Variants in AOPEP observed in about 807,000 individuals in gnomAD.
AOPEP encodes the protein aminopeptidase O (putative).
AOPEP carries 77 observed loss-of-function variants against 98.1 expected under a neutral mutation model. The observed-to-expected ratio is 0.78, with a 90% CI of 0.65 to 0.95. AOPEP has a LOEUF of 0.95. Ranked by LOEUF, AOPEP falls within the 40% of genes least tolerant of loss-of-function variation. AOPEP has a pLI of 0.00. For missense variants in AOPEP, 1,024 were observed against 1,024.7 expected, an observed-to-expected ratio of 1.00 and a Z score of 0.01; for synonymous variants, 346 against 365.3, an observed-to-expected ratio of 0.95 and a Z score of 0.60.
In AOPEP at chr9:94,972,891, A is replaced by G. The variant is rs531551827; in HGVS notation, c.1916+5090A>G. Among the ~76,000 whole-genome samples, 4 of 152,140 alleles carry G rather than the reference A, an allele frequency of 2.6e-5. No homozygotes were observed. In the South Asian group the frequency reaches 8.3e-4, roughly 32 times the overall value. On this transcript the variant is annotated intron_variant, in intron 10 of 16. Coordinates refer to ENST00000375315, the MANE Select transcript of AOPEP (RefSeq NM_001193329.3). The surrounding 1 kb of genome is among the most constrained non-coding windows in gnomAD (Gnocchi z 4.2). ...GCGTTTGAGGCTGCAATGAGCTGAGATTGCACCACTGCACGCCAGCCTGGG... is the reference window on the plus strand; with the variant it reads ...GCGTTTGAGGCTGCAATGAGCTGAGGTTGCACCACTGCACGCCAGCCTGGG...
intron 5 of AOPEP, among the ~76,000 whole-genome samples, chr9:94,884,500 A>G (rs902151073): frequency 6.6e-6 from 1 of 152,188 alleles, no homozygotes; most frequent in Non-Finnish European, 1.5e-5. Flanking sequence ...AAGACTTGGG[A>G]TATAAAGAGG....
intron 4 of AOPEP, among the ~76,000 whole-genome samples, chr9:94,795,742 C>G (rs1846789193): frequency 6.6e-6 from 1 of 152,126 alleles, no homozygotes; most frequent in Admixed American, 6.5e-5. Context: ...ATCCACTATT[C>G]TGAAAGGAGG....
intron 13 of AOPEP, among the ~76,000 whole-genome samples, chr9:95,038,528 T>C (rs1295417359): frequency 6.6e-6 from 1 of 152,214 alleles, no homozygotes; most frequent in Middle Eastern, 3.2e-3. Context: ...GTAGAGATGT[T>C]GGTGGTTAGA....
chr9:95,128,548 A>G, the AOPEP span, among the ~76,000 whole-genome samples: 1 of 152,258 alleles, frequency 6.6e-6, no homozygotes, highest in Non-Finnish European at 1.5e-5. Flanking sequence ...AAAGAAAATG[A>G]TGATCAGATG....
chr9:95,124,000 G>A, the AOPEP span: 1 of 334,442 alleles, frequency 3.0e-6, no homozygotes, highest in Admixed American at 4.2e-5. Context: ...CTACACGCAG[G>A]GGCTGAAGTG....
Position 95,065,925 on chromosome 9 carries a change from C to T in AOPEP, c.2232+5115C>T, listed in dbSNP as rs377442927. ...ACATGGCCTGTGAATAGTGTGACTTCAGGTTTTTAGAAAGCTGAGACCATG... is the reference window on the plus strand; with the variant it reads ...ACATGGCCTGTGAATAGTGTGACTTTAGGTTTTTAGAAAGCTGAGACCATG... On this transcript the variant is annotated intron_variant, in intron 14 of 16. Transcript: ENST00000375315. Among the ~76,000 whole-genome samples, 4 of 152,318 alleles carry T rather than the reference C, an allele frequency of 2.6e-5. No individual in the cohort carries two copies. In the East Asian group the frequency reaches 5.8e-4, roughly 22 times the overall value.
At chr9:94,776,932 A>G (rs1468881399) in intron 3 of AOPEP, among the ~76,000 whole-genome samples, 1 of 135,752 alleles carries the variant, frequency 7.4e-6, no homozygotes, top group African/African-American at 2.8e-5. Flanking sequence ...TTTTTTTTTT[A>G]GAAGACTGGA....
At chr9:94,759,541 G>A (rs1344625172) in intron 1 of AOPEP, 108 bp from the exon 2 acceptor site, 2 of 471,884 alleles carry the variant, frequency 4.2e-6, no homozygotes, top group South Asian at 3.4e-5. Context: ...AGCATCTACC[G>A]CTTGGGGGAT....
At chr9:95,040,621 C>T (rs1451525697) in intron 13 of AOPEP, among the ~76,000 whole-genome samples, 1 of 152,226 alleles carries the variant, frequency 6.6e-6, no homozygotes, top group Non-Finnish European at 1.5e-5. Context: ...TCCCTCCCCT[C>T]CTCTATGTCT....
intron 14 of AOPEP, among the ~76,000 whole-genome samples, chr9:95,072,883 C>T (rs2068651840): frequency 6.6e-6 from 1 of 152,218 alleles, no homozygotes; most frequent in Admixed American, 6.5e-5. Context: ...GTCAGAAGAG[C>T]AGGCTTCCCC....
At chr9:95,080,551 A>G in intron 14 of AOPEP, 143 bp from the exon 15 acceptor site, 1 of 623,524 alleles carries the variant, frequency 1.6e-6, no homozygotes, top group Non-Finnish European at 2.8e-6. Context: ...ATACTAAAAG[A>G]AAATGTAAAA....
chr9:95,089,092 C>T (rs72752314), downstream of AOPEP, among the ~76,000 whole-genome samples: 25 of 152,328 alleles, frequency 1.6e-4, no homozygotes, highest in African/African-American at 3.8e-4. Flanking sequence ...ATCCTTCACC[C>T]GTGCCTCAGC....
rs1014288671 is a variant in AOPEP at position 95,077,039 on chromosome 9, C to T, written c.2233-3655C>T. 3.7e-4 allele frequency among the ~76,000 whole-genome samples: 57 copies of T among 152,168 alleles called. 1 individual carries two copies. Among genetic ancestry groups the T allele is most frequent in the Admixed American group, 3.4e-3 (52 of 15,282 alleles). On this transcript the variant is annotated intron_variant, in intron 14 of 16. Transcript: ENST00000375315. ...TCTGATCAGGTTCTTCTCCTGCCAC[C>T]TTCCAGGCCTGGGGAGGAGAGGGGG...
chr9:94,940,235 A>G (rs900380978), intron 7 of AOPEP, among the ~76,000 whole-genome samples: 4 of 152,364 alleles, frequency 2.6e-5, no homozygotes, highest in Non-Finnish European at 5.9e-5. Flanking sequence ...AATAAATACA[A>G]TGAATACATG....
intron 10 of AOPEP, among the ~76,000 whole-genome samples, chr9:94,971,892 G>A (rs897053141): frequency 2.6e-5 from 4 of 152,152 alleles, no homozygotes; most frequent in African/African-American, 7.2e-5. Context: ...ACACAGAGAG[G>A]GTCCATCAGT....
chr9:94,996,023 G>A (rs2061200524), intron 11 of AOPEP, among the ~76,000 whole-genome samples: 1 of 152,194 alleles, frequency 6.6e-6, no homozygotes, highest in Non-Finnish European at 1.5e-5. Context: ...ACCTCCACAT[G>A]CAGGGGGTGG....
At chr9:94,912,527 A>G (rs1461892391) in intron 5 of AOPEP, among the ~76,000 whole-genome samples, 1 of 152,164 alleles carries the variant, frequency 6.6e-6, no homozygotes, top group African/African-American at 2.4e-5. Context: ...ACTTTCTGCT[A>G]TTTATGAGAA....
intron 16 of AOPEP, among the ~76,000 whole-genome samples, chr9:95,084,968 T>C (rs2070429026): frequency 6.6e-6 from 1 of 152,228 alleles, no homozygotes; most frequent in Non-Finnish European, 1.5e-5. Flanking sequence ...CCTTTAGCAA[T>C]TGTGTGTGTC....
intron 2 of AOPEP, 80 bp from the exon 3 acceptor site, chr9:94,772,922 C>A: frequency 7.6e-7 from 1 of 1,321,946 alleles, no homozygotes; most frequent in Non-Finnish European, 1.0e-6. Context: ...TCAACTTAAC[C>A]TGCACTACCA....
Sources: allele counts gnomAD v4.1 joint callset (sites outside exome capture counted in the v4.1 genomes callset), GRCh38; gene constraint gnomAD v4.1.1; non-coding constraint Gnocchi (gnomAD v3.1); transcripts MANE v1.5; gene names NCBI Gene and HGNC (gene_info 2026-07-23, HGNC 2026-07-21).